The following CHCHD6 variants were observed in gnomAD, a reference collection of about 807,000 sequenced individuals.
CHCHD6 encodes coiled-coil-helix-coiled-coil-helix domain containing 6, also known as MICOS complex subunit MIC25.
A neutral mutation model predicts 32.3 loss-of-function variants in CHCHD6; 28 were observed. The observed-to-expected ratio is 0.87, with a 90% CI of 0.64 to 1.19. The LOEUF is 1.19. Ranked by LOEUF, CHCHD6 falls within the 50% of genes most tolerant of loss-of-function variation. CHCHD6 has a pLI of 0.00. For missense variants in CHCHD6, 333 were observed against 307.0 expected (o/e 1.08, Z -0.63); for synonymous variants, 122 against 117.5 (o/e 1.04, Z -0.25).
chr3:126,860,747 G>A (rs1339618220), intron 5 of CHCHD6, among the ~76,000 whole-genome samples: 1 of 152,096 alleles, frequency 6.6e-6, no homozygotes, highest in Non-Finnish European at 1.5e-5. Flanking sequence ...AAGTGAAATA[G>A]CATATTGCTT....
chr3:126,767,432 C>A, intron 4 of CHCHD6: 1 of 708,672 alleles, frequency 1.4e-6, no homozygotes, highest in Admixed American at 2.1e-5. Context: ...GTCACCATGT[C>A]CCAGCTGCCC....
At chr3:126,809,445 T>G (rs988237788) in intron 4 of CHCHD6, among the ~76,000 whole-genome samples, 2 of 152,134 alleles carry the variant, frequency 1.3e-5, no homozygotes, top group Non-Finnish European at 2.9e-5. Flanking sequence ...TGTGGAAATT[T>G]TAAATTTTAC....
At chr3:126,730,852 C>T (rs1343320671) in intron 3 of CHCHD6, among the ~76,000 whole-genome samples, 1 of 151,994 alleles carries the variant, frequency 6.6e-6, no homozygotes, top group Non-Finnish European at 1.5e-5. Flanking sequence ...TAATGTTCCT[C>T]ATGCCCAGCA....
chr3:126,902,375 A>G (rs1434434386), intron 5 of CHCHD6, among the ~76,000 whole-genome samples: 2 of 152,200 alleles, frequency 1.3e-5, no homozygotes, highest in African/African-American at 2.4e-5. Flanking sequence ...TAAAAGGACT[A>G]TTAGGAAGAG....
rs946668287 is a variant in CHCHD6, at chr3:126,925,195, T to C, written c.566+10445T>C. Among the ~76,000 whole-genome samples, 12 of 152,288 alleles carry C rather than the reference T, an allele frequency of 7.9e-5. 1 individual carries two copies. Among genetic ancestry groups the C allele is most frequent in the African/African-American group, 2.2e-4 (9 of 41,558 alleles). On this transcript the variant is annotated intron_variant, in intron 6 of 7. Coordinates refer to ENST00000290913, the MANE Select transcript of CHCHD6 (RefSeq NM_032343.3). ...AAGTGCTGGGTGCCTGGCACTCCAT[T>C]TGGGGCTGTGCTGTGCAGGCAGGCA... is the stretch of plus-strand genomic sequence containing the variant.
At chr3:126,882,958 G>A (rs1022863227) in intron 5 of CHCHD6, among the ~76,000 whole-genome samples, 5 of 152,210 alleles carry the variant, frequency 3.3e-5, no homozygotes, top group African/African-American at 4.8e-5. Context: ...TGCAGGATTC[G>A]AGGGTTGGGA....
chr3:126,725,319 T>C (rs1935481676), intron 1 of CHCHD6, among the ~76,000 whole-genome samples: 1 of 152,234 alleles, frequency 6.6e-6, no homozygotes, highest in African/African-American at 2.4e-5. Flanking sequence ...GGTGACCAGG[T>C]GCATTGTCAA....
chr3:126,857,011 T>C (rs184779901), intron 5 of CHCHD6, among the ~76,000 whole-genome samples: 1 of 152,340 alleles, frequency 6.6e-6, no homozygotes, highest in East Asian at 1.9e-4. Flanking sequence ...CTGACCTTAG[T>C]ATCCAGTCCT....
intron 4 of CHCHD6, among the ~76,000 whole-genome samples, chr3:126,787,887 C>T (rs1437853082): frequency 6.6e-6 from 1 of 152,166 alleles, no homozygotes; most frequent in Non-Finnish European, 1.5e-5. Flanking sequence ...TGAGAGAGGG[C>T]ATCCCTGTCT....
intron 4 of CHCHD6, among the ~76,000 whole-genome samples, chr3:126,753,616 C>T (rs1209149848): frequency 6.6e-6 from 1 of 152,246 alleles, no homozygotes; most frequent in Admixed American, 6.5e-5. Context: ...GATCAGTGTC[C>T]TGCCTCTCTT....
chr3:126,832,169 A>C (rs1207042210), intron 4 of CHCHD6, among the ~76,000 whole-genome samples: 1 of 152,226 alleles, frequency 6.6e-6, no homozygotes, highest in Non-Finnish European at 1.5e-5. Context: ...TGCCAGGGCC[A>C]CACACTTAGC....
At chr3:126,809,192 T>C (rs1939548961) in intron 4 of CHCHD6, among the ~76,000 whole-genome samples, 1 of 152,192 alleles carries the variant, frequency 6.6e-6, no homozygotes, top group Non-Finnish European at 1.5e-5. Flanking sequence ...CAGGCTGGTC[T>C]GGAACTCCTG....
chr3:126,920,761 TC>T (rs1320384286), intron 6 of CHCHD6, among the ~76,000 whole-genome samples: 1 of 152,182 alleles, frequency 6.6e-6, no homozygotes, highest in Admixed American at 6.5e-5. Context: ...CCACAGCTTT[TC>T]TTGCCTTTCA....
rs549694315 is a variant in CHCHD6, at chr3:126,901,528, G to A, written c.496-13152G>A. On this transcript the variant is annotated intron_variant, in intron 5 of 7. Transcript: ENST00000290913. ...GGGAGCTGTCTGAGAGGGAGAAAAGGAATGGATGCTAAAGAGGCCACCAAC... is the reference window on the plus strand; with the variant it reads ...GGGAGCTGTCTGAGAGGGAGAAAAGAAATGGATGCTAAAGAGGCCACCAAC... Among the ~76,000 whole-genome samples, 5 of 152,354 alleles carry A rather than the reference G, an allele frequency of 3.3e-5. No individual in the cohort carries two copies. In the East Asian group the frequency reaches 9.6e-4, roughly 29 times the overall value.
At chr3:126,911,786 C>T (rs1489382609) in intron 5 of CHCHD6, among the ~76,000 whole-genome samples, 8 of 152,234 alleles carry the variant, frequency 5.3e-5, no homozygotes, top group Non-Finnish European at 1.2e-4. Flanking sequence ...CTCTGAGTGT[C>T]TACTGAAGCC....
At position 126,767,021 on chromosome 3, in the gene CHCHD6, G is replaced by A. The variant is rs1937398746; in HGVS notation, c.411+33799G>A. ...CACACAGCTACATTTGGTACAGGCA[G>A]GATCTGCCTCAATGAAGATGGTCAC... On this transcript the variant is annotated intron_variant, in intron 4 of 7. Transcript: ENST00000290913. 3.2e-5 allele frequency: 28 copies of A among 883,284 alleles called. No individual in the cohort carries two copies. The South Asian group carries it at 4.1e-4, about 13-fold the overall frequency. 54.7% of individuals were successfully genotyped at this position (883,284 alleles called of 1,614,324 possible). A position where few individuals can be genotyped will look rare whatever the true frequency, so the allele number is the denominator to read the frequency against.
chr3:126,772,237 G>C (rs973716511), intron 4 of CHCHD6, among the ~76,000 whole-genome samples: 1 of 152,162 alleles, frequency 6.6e-6, no homozygotes, highest in Non-Finnish European at 1.5e-5. Flanking sequence ...GAGTAGCTGG[G>C]ACTACAGGTG....
At chr3:126,795,272 T>G (rs1938740650) in intron 4 of CHCHD6, among the ~76,000 whole-genome samples, 1 of 152,216 alleles carries the variant, frequency 6.6e-6, no homozygotes, top group South Asian at 2.1e-4. Context: ...GGGTATTTAT[T>G]CTGTTTTTAC....
chr3:126,832,564 C>T (rs964171840), intron 4 of CHCHD6, among the ~76,000 whole-genome samples: 1 of 152,190 alleles, frequency 6.6e-6, no homozygotes, highest in African/African-American at 2.4e-5. Context: ...AGATTCTGAG[C>T]CGTGAAGTCC....
Sources: allele counts gnomAD v4.1 joint callset (sites outside exome capture counted in the v4.1 genomes callset), GRCh38; gene constraint gnomAD v4.1.1; transcripts MANE v1.5; gene names NCBI Gene and HGNC (gene_info 2026-07-23, HGNC 2026-07-21).